The following TIMP2 variants were observed in gnomAD, a reference collection of about 807,000 sequenced individuals.
TIMP2 encodes the protein TIMP metallopeptidase inhibitor 2.
In TIMP2, 5 loss-of-function variants were observed where a neutral mutation model predicts 24.3. That is an observed-to-expected ratio of 0.21 (90% CI 0.11 to 0.43). The LOEUF is 0.43. Ranked by LOEUF, TIMP2 falls within the 20% of genes least tolerant of loss-of-function variation. The pLI is 1.00. For synonymous variants in TIMP2, 130 were observed against 123.2 expected (o/e 1.06, Z -0.37); for missense variants, 221 against 297.5 (o/e 0.74, Z 1.89).
At chr17:78,911,809 G>A (rs1016625443) in intron 1 of TIMP2, among the ~76,000 whole-genome samples, 3 of 151,348 alleles carry the variant, frequency 2.0e-5, no homozygotes, top group Admixed American at 1.3e-4. Flanking sequence ...ACTTTGGGAG[G>A]CCATGGCGGG....
intron 2 of TIMP2, among the ~76,000 whole-genome samples, chr17:78,872,188 G>A (rs1567994112): frequency 1.3e-5 from 2 of 150,054 alleles, no homozygotes; most frequent in African/African-American, 4.9e-5. Context: ...ACGAGGTCTC[G>A]CTCTATTACC....
chr17:78,919,874 A>G (rs958650714), intron 1 of TIMP2, among the ~76,000 whole-genome samples: 2 of 152,110 alleles, frequency 1.3e-5, no homozygotes, highest in African/African-American at 2.4e-5. Flanking sequence ...CTAGCCATGC[A>G]GCCACTTGCC....
chr17:78,888,270 C>T (rs1279463600), intron 1 of TIMP2, among the ~76,000 whole-genome samples: 1 of 151,574 alleles, frequency 6.6e-6, no homozygotes, highest in Non-Finnish European at 1.5e-5. Context: ...AGCAATTCTC[C>T]TGCCTCAGCC....
chr17:78,903,592 A>C (rs2070127701), intron 1 of TIMP2, among the ~76,000 whole-genome samples: 1 of 152,168 alleles, frequency 6.6e-6, no homozygotes, highest in Non-Finnish European at 1.5e-5. Context: ...TCACGCTTCT[A>C]AACAGCTCCA....
chr17:78,884,126 C>T (rs781480358), intron 1 of TIMP2, among the ~76,000 whole-genome samples: 2 of 152,182 alleles, frequency 1.3e-5, no homozygotes, highest in East Asian at 1.9e-4. Flanking sequence ...GGAGCAGGAC[C>T]GTGCAGGGCA....
At position 78,870,798 on chromosome 17, in the gene TIMP2, C is replaced by A. The variant is rs572967231; in HGVS notation, c.340+100G>T. The A allele has an allele frequency of 6.4e-4, 631 of 983,728 alleles. 4 individuals carry two copies. The highest frequency in any genetic ancestry group is 6.0e-5 in the Non-Finnish European group (39 of 654,630). The allele number at this position is 983,728 out of a possible 1,614,324, so 60.9% of individuals were successfully genotyped here. A position where few individuals can be genotyped will look rare whatever the true frequency, so the allele number is the denominator to read the frequency against. On this transcript the variant is annotated intron_variant, in intron 3 of 4. Transcript: ENST00000262768. Reference sequence around the variant, plus strand: ...GCCTCACTGTTCCTCAGCTACTCCGCCTCCCCACCCCCCGAGCCTGGGAAA... The same window carrying A: ...GCCTCACTGTTCCTCAGCTACTCCGACTCCCCACCCCCCGAGCCTGGGAAA...
intron 1 of TIMP2, 158 bp from the exon 2 acceptor site, chr17:78,874,077 G>A (rs2069708945): frequency 3.5e-6 from 2 of 570,022 alleles, no homozygotes; most frequent in South Asian, 2.2e-5. Context: ...CCAGCCCCCG[G>A]CATGGCGTCT....
Position 78,924,925 on chromosome 17 carries a change from G to A in TIMP2, c.130+34C>T. 4 of 1,195,438 alleles carry A rather than the reference G, an allele frequency of 3.3e-6. No homozygotes were observed. Among genetic ancestry groups the A allele is most frequent in the Non-Finnish European group, 4.2e-6 (4 of 956,776 alleles). The allele number at this position is 1,195,438 out of a possible 1,614,324, so 74.1% of individuals were successfully genotyped here. ...CCCTCGGGGTCGCGGGGGAGGTGGG[G>A]CCCCGCGCGGGGGCTGGGGTCGCCG... On this transcript the variant is annotated intron_variant, in intron 1 of 4. Coordinates refer to ENST00000262768, the MANE Select transcript of TIMP2 (RefSeq NM_003255.5). This position sits in a 1 kb window ranked among gnomAD's most constrained non-coding sequence, Gnocchi z 5.3.
chr17:78,911,479 G>A (rs923679103), intron 1 of TIMP2, among the ~76,000 whole-genome samples: 3 of 152,026 alleles, frequency 2.0e-5, no homozygotes, highest in Non-Finnish European at 4.4e-5. Context: ...CACCCACGCT[G>A]GAGTGCAGTG....
intron 1 of TIMP2, among the ~76,000 whole-genome samples, chr17:78,880,534 A>AT (rs2069769933): frequency 1.9e-5 from 1 of 53,482 alleles, no homozygotes; most frequent in Non-Finnish European, 4.4e-5. Context: ...AAAACAAAAT[A>AT]CAAAAAACAA....
At chr17:78,892,514 C>G (rs2069917832) in intron 1 of TIMP2, 1 of 1,493,158 alleles carries the variant, frequency 6.7e-7, no homozygotes, top group Non-Finnish European at 8.9e-7. Context: ...GGAGAGTGAG[C>G]AAAGCCCTGG....
At chr17:78,871,927 C>A (rs1413555574) in intron 2 of TIMP2, among the ~76,000 whole-genome samples, 1 of 151,958 alleles carries the variant, frequency 6.6e-6, no homozygotes, top group African/African-American at 2.4e-5. Flanking sequence ...CCAAAGAGGT[C>A]ATTTCTGAAT....
chr17:78,864,922 T>G, intron 3 of TIMP2, among the ~76,000 whole-genome samples: 1 of 151,870 alleles, frequency 6.6e-6, no homozygotes, highest in East Asian at 1.9e-4. Context: ...GGCGTGGTGG[T>G]GCATGCCTGT....
At chr17:78,907,059 C>T (rs1220064448) in intron 1 of TIMP2, among the ~76,000 whole-genome samples, 7 of 151,570 alleles carry the variant, frequency 4.6e-5, no homozygotes, top group African/African-American at 7.3e-5. Flanking sequence ...AAGTAAGAGA[C>T]GTCTCGCTCT....
Position 78,891,923 on chromosome 17 carries a change from G to A in TIMP2, c.131-18004C>T. On this transcript the variant is annotated intron_variant, in intron 1 of 4. Transcript: ENST00000262768. This position sits in a 1 kb window ranked among gnomAD's most constrained non-coding sequence, Gnocchi z 4.5. ...CTCTGGACTCGCTGCTGTCTTCCGG[G>A]GCCTGGAGTGCCTGGGGTGTTGCTG... is the stretch of plus-strand genomic sequence containing the variant. The A allele has an allele frequency of 6.4e-7, 1 of 1,550,548 alleles. No individual in the cohort carries two copies. Among genetic ancestry groups the A allele is most frequent in the Admixed American group, 2.0e-5 (1 of 51,000 alleles).
chr17:78,879,200 T>C (rs559321653), intron 1 of TIMP2, among the ~76,000 whole-genome samples: 32 of 152,280 alleles, frequency 2.1e-4, no homozygotes, highest in Admixed American at 2.0e-3. Context: ...AGACGATGGA[T>C]AGGAACACAG....
rs532227310 is a variant in TIMP2 at position 78,893,994 on chromosome 17, C to T, written c.131-20075G>A. On this transcript the variant is annotated intron_variant, in intron 1 of 4. Coordinates refer to ENST00000262768, the MANE Select transcript of TIMP2 (RefSeq NM_003255.5). The stretch of plus-strand genomic sequence containing the variant: ...GTCCCCCTCCACTGCTCCTTCCCTT[C>T]TTTCATCTTAGTCTATGTGGAACCA... Among the ~76,000 whole-genome samples, 60 of 152,310 alleles carry T rather than the reference C, an allele frequency of 3.9e-4. No individual in the cohort carries two copies. In the South Asian group the frequency reaches 0.012, roughly 31 times the overall value.
chr17:78,885,961 T>C (rs995034249), intron 1 of TIMP2, among the ~76,000 whole-genome samples: 11 of 152,212 alleles, frequency 7.2e-5, no homozygotes, highest in Middle Eastern at 3.4e-3. Context: ...TGCCAGGCCC[T>C]GGGATGGAAA....
At chr17:78,909,248 G>A (rs1369959239) in intron 1 of TIMP2, among the ~76,000 whole-genome samples, 3 of 152,134 alleles carry the variant, frequency 2.0e-5, no homozygotes, top group Admixed American at 1.3e-4. Context: ...CCAGCTACTC[G>A]GGAGGCTGAA....
Sources: gnomAD v4.1 joint callset for allele counts (sites outside exome capture counted in the v4.1 genomes callset) on GRCh38, gnomAD v4.1.1 for gene constraint, Gnocchi (gnomAD v3.1) non-coding constraint, MANE v1.5 for transcripts, NCBI Gene and HGNC (gene_info 2026-07-23, HGNC 2026-07-21) for gene names.